The following DISC1 variants were observed in gnomAD, a reference collection of about 807,000 sequenced individuals.
DISC1 encodes the protein disrupted in schizophrenia 1 protein.
Under a neutral mutation model 84.5 loss-of-function variants are expected in DISC1, and 57 were observed. The ratio of observed to expected loss-of-function variants is 0.67; its 90% CI spans 0.55 to 0.84. DISC1 has a LOEUF of 0.84. DISC1 is among the 40% of genes least tolerant of loss of function. The probability of loss-of-function intolerance (pLI) is 0.00; values close to 1 mark genes in which losing one functional copy is unlikely to be tolerated. For synonymous variants in DISC1, 411 were observed against 415.2 expected, an observed-to-expected ratio of 0.99 and a Z score of 0.12; for missense variants, 1,000 against 1,057.8, an observed-to-expected ratio of 0.95 and a Z score of 0.76.
At chr1:232,030,268 A>G (rs1016293633) in intron 12 of DISC1, among the ~76,000 whole-genome samples, 4 of 152,228 alleles carry the variant, frequency 2.6e-5, no homozygotes, top group African/African-American at 4.8e-5. Context: ...ACTGTGTGCA[A>G]GGTCTCCTCC....
chr1:231,824,043 T>C (rs1210540458), intron 9 of DISC1, among the ~76,000 whole-genome samples: 1 of 152,198 alleles, frequency 6.6e-6, no homozygotes, highest in Non-Finnish European at 1.5e-5. Flanking sequence ...TCTGACATTA[T>C]TTCAAGATGT....
At position 231,865,825 on chromosome 1, in the gene DISC1, A is replaced by T. The variant is rs573447529; in HGVS notation, c.1981+47308A>T. 7.9e-5 allele frequency among the ~76,000 whole-genome samples: 12 copies of T among 152,330 alleles called. No homozygotes were observed. In the South Asian group the frequency reaches 2.5e-3, roughly 32 times the overall value. On this transcript the variant is annotated intron_variant, in intron 9 of 12. Coordinates refer to ENST00000439617, the MANE Select transcript of DISC1 (RefSeq NM_018662.3). ...CATATTCATACAAGGCCCTCTTGGAAGCTCAGCTTTGGAGTTGGATATTAT... is the reference window on the plus strand; with the variant it reads ...CATATTCATACAAGGCCCTCTTGGATGCTCAGCTTTGGAGTTGGATATTAT...
intron 9 of DISC1, among the ~76,000 whole-genome samples, chr1:231,847,816 T>G (rs536183653): frequency 6.6e-6 from 1 of 152,344 alleles, no homozygotes; most frequent in Admixed American, 6.5e-5. Flanking sequence ...CCTGTCTCAG[T>G]GCTCAGTGTG....
intron 9 of DISC1, among the ~76,000 whole-genome samples, chr1:231,927,562 T>C (rs2090424080): frequency 6.6e-6 from 1 of 152,194 alleles, no homozygotes; most frequent in African/African-American, 2.4e-5. Flanking sequence ...CTCATCCACC[T>C]GCCTACCTTG....
chr1:231,786,340 A>G (rs989477238), intron 6 of DISC1, among the ~76,000 whole-genome samples: 6 of 152,214 alleles, frequency 3.9e-5, no homozygotes, highest in African/African-American at 1.2e-4. Flanking sequence ...AGTCTTGCAG[A>G]AAGTTAGTGG....
intron 6 of DISC1, among the ~76,000 whole-genome samples, chr1:231,781,712 C>A (rs1034887362): frequency 1.3e-5 from 2 of 151,282 alleles, no homozygotes; most frequent in Non-Finnish European, 2.9e-5. Context: ...TTCTCTTATT[C>A]TTTCCTTTTT....
At chr1:231,664,074 CCA>C in intron 1 of DISC1, among the ~76,000 whole-genome samples, 1 of 152,042 alleles carries the variant, frequency 6.6e-6, no homozygotes, top group East Asian at 1.9e-4. Flanking sequence ...ATCCATCCAT[CCA>C]TCCGTCTATC....
chr1:231,641,439 G>A (rs535403357), intron 1 of DISC1, among the ~76,000 whole-genome samples: 139 of 152,260 alleles, frequency 9.1e-4, no homozygotes, highest in African/African-American at 3.1e-3. Flanking sequence ...TCGTGGTCTC[G>A]TTGGCTTCAG....
At chr1:231,777,497 A>G (rs1201309160) in intron 6 of DISC1, among the ~76,000 whole-genome samples, 1 of 152,182 alleles carries the variant, frequency 6.6e-6, no homozygotes, top group Non-Finnish European at 1.5e-5. Flanking sequence ...CTGGGATTAC[A>G]GGGTTTTCTT....
intron 6 of DISC1, among the ~76,000 whole-genome samples, chr1:231,794,662 T>G (rs1014347268): frequency 6.6e-6 from 1 of 152,114 alleles, no homozygotes; most frequent in African/African-American, 2.4e-5. Context: ...TAAGTTCCAG[T>G]GGGAGAGAGA....
rs201156197 is a variant in DISC1, at chr1:231,626,813, G to C, written c.-55G>C. On this transcript the variant is annotated 5_prime_UTR_variant, in exon 1 of 13. Transcript: ENST00000439617. ...CTCCCTTCCCCCCGCCTCTGGCCTCGGGGAAGGAGCAGGAGGCAGCCCAGG... is the reference window on the plus strand; with the variant it reads ...CTCCCTTCCCCCCGCCTCTGGCCTCCGGGAAGGAGCAGGAGGCAGCCCAGG... The C allele has an allele frequency of 3.5e-5, 47 of 1,325,672 alleles. No individual in the cohort carries two copies. The highest frequency in any genetic ancestry group is 3.8e-5 in the Non-Finnish European group (39 of 1,020,996). The allele number at this position is 1,325,672 out of a possible 1,614,324, so 82.1% of individuals were successfully genotyped here.
At chr1:231,872,673 A>G (rs1419714504) in intron 9 of DISC1, among the ~76,000 whole-genome samples, 1 of 152,184 alleles carries the variant, frequency 6.6e-6, no homozygotes, top group Non-Finnish European at 1.5e-5. Context: ...GTTCTTAAAA[A>G]AAAAAAATCA....
chr1:231,816,116 AT>A (rs1180645687), intron 8 of DISC1, among the ~76,000 whole-genome samples: 1 of 152,204 alleles, frequency 6.6e-6, no homozygotes. Context: ...GAATGTTGAC[AT>A]TTTTAGTTGA....
chr1:232,020,348 A>G (rs1382690623), intron 11 of DISC1, among the ~76,000 whole-genome samples: 1 of 152,164 alleles, frequency 6.6e-6, no homozygotes, highest in Non-Finnish European at 1.5e-5. Flanking sequence ...CTCAAAAAAT[A>G]AATAAATAAA....
rs148073453 is a variant in DISC1, at chr1:231,676,556, C to A, written c.68-17270C>A. Among the ~76,000 whole-genome samples the A allele has an allele frequency of 7.4e-3, 1,122 of 152,296 alleles. 13 individuals carry two copies. Among genetic ancestry groups the A allele is most frequent in the Non-Finnish European group, 8.4e-3 (571 of 68,024 alleles). ...TTCTTAAGAAATACTATTGTCTTTT[C>A]CCCATTTCTTATTTCCTGTTTAAAT... On this transcript the variant is annotated intron_variant, in intron 1 of 12. Transcript: ENST00000439617.
intron 9 of DISC1, among the ~76,000 whole-genome samples, chr1:231,842,839 T>C (rs1365104871): frequency 6.6e-6 from 1 of 152,106 alleles, no homozygotes; most frequent in Non-Finnish European, 1.5e-5. Context: ...AAAAAATATA[T>C]AGGATTATGA....
chr1:231,652,318 T>C (rs2060696222), intron 1 of DISC1, among the ~76,000 whole-genome samples: 1 of 152,250 alleles, frequency 6.6e-6, no homozygotes, highest in Admixed American at 6.5e-5. Flanking sequence ...TATCATGTTA[T>C]ATTGTTATTA....
At chr1:231,970,414 T>C (rs1049796818) in intron 10 of DISC1, among the ~76,000 whole-genome samples, 3 of 152,126 alleles carry the variant, frequency 2.0e-5, no homozygotes, top group African/African-American at 7.2e-5. Context: ...AATATTGCCC[T>C]AGAGAATGGC....
intron 1 of DISC1, among the ~76,000 whole-genome samples, chr1:231,667,838 G>A (rs1258076595): frequency 6.6e-6 from 1 of 151,996 alleles, no homozygotes; most frequent in East Asian, 1.9e-4. Context: ...TTCCATTGTT[G>A]CCAATGTTAC....
Sources: gnomAD v4.1 joint callset for allele counts (sites outside exome capture counted in the v4.1 genomes callset) on GRCh38, gnomAD v4.1.1 for gene constraint, MANE v1.5 for transcripts, NCBI Gene and HGNC (gene_info 2026-07-23, HGNC 2026-07-21) for gene names.